OLR1: variants seen among roughly 807,000 people sequenced by gnomAD.
The protein encoded by OLR1 is oxidized low-density lipoprotein receptor 1.
Under a neutral mutation model 31.7 loss-of-function variants are expected in OLR1, and 23 were observed. The ratio of observed to expected loss-of-function variants is 0.72; its 90% CI spans 0.52 to 1.03. The LOEUF is 1.03. OLR1 is among the 50% of genes least tolerant of loss of function. The pLI is 0.00. For synonymous variants in OLR1, 117 were observed against 115.8 expected (o/e 1.01, Z -0.07); for missense variants, 286 against 315.7 (o/e 0.91, Z 0.71).
chr12:10,167,797 A>G (rs1948675415), intron 2 of OLR1: 1 of 151,610 alleles, frequency 6.6e-6, no homozygotes, highest in Admixed American at 6.6e-5. Context: ...GCCACGGTAC[A>G]TTTTAGGAAG....
chr12:10,174,150 T>C (rs751371119), upstream of OLR1, among the ~76,000 whole-genome samples: 60 of 152,252 alleles, frequency 3.9e-4, no homozygotes, highest in Middle Eastern at 3.4e-3. Context: ...AACCTCCGCC[T>C]CCTGGGTTCA....
chr12:10,160,583 C>T (rs1285719165), intron 4 of OLR1, 121 bp from the exon 5 acceptor site: 1 of 982,126 alleles, frequency 1.0e-6, no homozygotes, highest in Non-Finnish European at 1.6e-6. Flanking sequence ...ATCCCCTTGA[C>T]TGTTTTACGG....
chr12:10,165,830 G>T (rs1023815618), intron 3 of OLR1, among the ~76,000 whole-genome samples: 1 of 152,026 alleles, frequency 6.6e-6, no homozygotes, highest in African/African-American at 2.4e-5. Flanking sequence ...TTATAAAGAA[G>T]GAAAACTTAA....
In OLR1 at chr12:10,166,820, T is replaced by G; in HGVS notation, c.316A>C (p.Ile106Leu). The change falls in exon 3 of 6, where the codon ATA (isoleucine) becomes CTA (leucine). Residue 106 changes from isoleucine to leucine, a missense_variant. Physicochemically the swap from Ile to Leu is conservative, Grantham distance 5. Transcript: ENST00000309539. ...TTCAGCTTCCGAGCAAGGGTTTCTA[T>G]CATTTCCTTGAGTTCGTTTTCTGAC... ...QESENELKEM[I>L]ETLARKLNEK... The G allele has an allele frequency of 6.2e-7, 1 of 1,613,842 alleles. No individual in the cohort carries two copies. The highest frequency in any genetic ancestry group is 1.1e-5 in the South Asian group (1 of 91,072).
rs1209882661 is a variant in OLR1, at chr12:10,159,534, A to G, written c.*346T>C. ...TTCTCCATGTTCTGTCTTTCATGCA[A>G]TTTTAGGAGTGTGAGGGGAAGGTGA... On this transcript the variant is annotated 3_prime_UTR_variant, in exon 6 of 6. Coordinates refer to ENST00000309539, the MANE Select transcript of OLR1 (RefSeq NM_002543.4). The G allele has an allele frequency of 1.2e-5, 2 of 171,826 alleles. No individual in the cohort carries two copies. Among genetic ancestry groups the G allele is most frequent in the Admixed American group, 1.2e-4 (2 of 17,166 alleles). The allele number at this position is 171,826 out of a possible 1,614,324, so 10.6% of individuals were successfully genotyped here. A position where few individuals can be genotyped will look rare whatever the true frequency, so the allele number is the denominator to read the frequency against.
At chr12:10,160,581 G>A (rs188662020) in intron 4 of OLR1, 119 bp from the exon 5 acceptor site, 2 of 988,320 alleles carry the variant, frequency 2.0e-6, no homozygotes, top group Non-Finnish European at 3.1e-6. Flanking sequence ...ACATCCCCTT[G>A]ACTGTTTTAC....
At chr12:10,168,927 G>T in intron 2 of OLR1, 147 bp downstream of exon 2, 1 of 499,684 alleles carries the variant, frequency 2.0e-6, no homozygotes, top group Non-Finnish European at 3.5e-6. Context: ...TTATTTTCAT[G>T]GTCACTCTTA....
Position 10,160,535 on chromosome 12 carries a change from G to A in OLR1, c.565-73C>T, listed in dbSNP as rs3736234. The A allele has an allele frequency of 0.45, 552,088 of 1,238,012 alleles. 129,541 individuals are homozygous for A. The highest frequency in any genetic ancestry group is 0.52 in the Admixed American group (25,557 of 49,268). The allele number at this position is 1,238,012 out of a possible 1,614,324, so 76.7% of individuals were successfully genotyped here. ...TAGAATCTGAAAGTCAGTTAGTGTT[G>A]GATCCACAAAACTAAAGAACCAAAA... On this transcript the variant is annotated intron_variant, in intron 4 of 5. Coordinates refer to ENST00000309539, the MANE Select transcript of OLR1 (RefSeq NM_002543.4).
chr12:10,159,309 G>GTGTGTGTC lies in OLR1; in HGVS notation c.*570_*571insGACACACA, dbSNP rs1555086620. On this transcript the variant is annotated 3_prime_UTR_variant, in exon 6 of 6. Coordinates refer to ENST00000309539, the MANE Select transcript of OLR1 (RefSeq NM_002543.4). ...AAAATGTGTGTGTGTGTGTGTGTGTGTGTCTGTCTGTCTGTCTGTCCGTAA... is the reference window on the plus strand; with the variant it reads ...AAAATGTGTGTGTGTGTGTGTGTGTGTGTGTGTCTGTCTGTCTGTCTGTCTGTCCGTAA... 4.8e-5 allele frequency: 6 copies of GTGTGTGTC among 124,928 alleles called. No individual in the cohort carries two copies. Among genetic ancestry groups the GTGTGTGTC allele is most frequent in the Admixed American group, 1.9e-4 (2 of 10,772 alleles). 7.7% of individuals were successfully genotyped at this position (124,928 alleles called of 1,614,324 possible).
intron 3 of OLR1, among the ~76,000 whole-genome samples, chr12:10,161,754 T>C (rs1948621586): frequency 6.6e-6 from 1 of 151,946 alleles, no homozygotes; most frequent in African/African-American, 2.4e-5. Context: ...CAAAAGATTT[T>C]GAAAACTTAA....
rs1383711004 is a variant in OLR1 at position 10,160,446 on chromosome 12, G to A, written c.581C>T (p.Ala194Val). 6.2e-7 allele frequency: 1 copy of A among 1,613,018 alleles called. No homozygotes were observed. The highest frequency in any genetic ancestry group is 8.5e-7 in the Non-Finnish European group (1 of 1,179,490). The change falls in exon 5 of 6, where the codon GCA (alanine) becomes GTA (valine). Residue 194 changes from alanine (A) to valine (V), a missense_variant. Transcript: ENST00000309539. Reference sequence around the variant, plus strand: ...GAATGGAAAACTGGAATAGGAAATTGCTTGCTGGATGAAGTCCTGTGGGGA... The same window carrying A: ...GAATGGAAAACTGGAATAGGAAATTACTTGCTGGATGAAGTCCTGTGGGGA... ...STADLDFIQQ[A>V]ISYSSFPFWM... is the part of the protein sequence containing the mutation.
intron 3 of OLR1, among the ~76,000 whole-genome samples, chr12:10,163,550 A>G (rs1045839057): frequency 1.3e-5 from 2 of 150,754 alleles, no homozygotes; most frequent in Non-Finnish European, 2.9e-5. Flanking sequence ...TTAGTAAAAA[A>G]GATAAAACTT....
rs1474284777 is a variant in OLR1 at position 10,161,944 on chromosome 12, T to TATAA, written c.425-1020_425-1019insTTAT. 9.4e-5 allele frequency among the ~76,000 whole-genome samples: 5 copies of TATAA among 53,160 alleles called. No individual in the cohort carries two copies. In the Admixed American group the frequency reaches 1.0e-3, roughly 11 times the overall value. 34.9% of individuals were successfully genotyped at this position (53,160 alleles called of 152,430 possible). ...TTAATGATATATATATATATATATA[T>TATAA]AAAAAACACATACTATATTTCTTTT... On this transcript the variant is annotated intron_variant, in intron 3 of 5. Coordinates refer to ENST00000309539, the MANE Select transcript of OLR1 (RefSeq NM_002543.4).
At chr12:10,172,467 AT>A (rs1948731505), upstream of OLR1, 2 of 161,918 alleles carry the variant, frequency 1.2e-5, no homozygotes, top group Non-Finnish European at 2.7e-5. Flanking sequence ...GGGCCAAAAT[AT>A]TTGATTCCAA....
At chr12:10,167,032 A>G (rs892178380) in intron 2 of OLR1, 75 bp from the exon 3 acceptor site, 4 of 1,384,112 alleles carry the variant, frequency 2.9e-6, no homozygotes, top group Non-Finnish European at 4.0e-6. Flanking sequence ...GAGGAAATCA[A>G]AACAGAATTA....
At position 10,166,952 on chromosome 12, in the gene OLR1, G is replaced by A. The variant is rs1401595592; in HGVS notation, c.184C>T (p.Gln62Ter). The A allele has an allele frequency of 6.2e-7, 1 of 1,611,922 alleles. No homozygotes were observed. Among genetic ancestry groups the A allele is most frequent in the Admixed American group, 1.7e-5 (1 of 59,480 alleles). ...TCTTGTGTTAGGAGGTCAGACACCTGGGATACTGAATCACAGTTGCATTAA... is the reference window on the plus strand; with the variant it reads ...TCTTGTGTTAGGAGGTCAGACACCTAGGATACTGAATCACAGTTGCATTAA... ...TIMVLGMQLS[Q>*]VSDLLTQEQA... is the part of the protein sequence containing the mutation. The change falls in exon 3 of 6, where the codon CAG (glutamine) becomes TAG (stop). Residue 62 changes from glutamine (Q) to a stop codon, truncating the protein, a stop_gained. Transcript: ENST00000309539. LOFTEE classifies it high-confidence loss of function.
upstream of OLR1, chr12:10,175,459 C>G (rs574215986): frequency 6.6e-6 from 1 of 152,268 alleles, no homozygotes; most frequent in East Asian, 1.9e-4. Flanking sequence ...CTAAGTTGTG[C>G]CCACACTTCT....
At chr12:10,162,169 C>T (rs1444892949) in intron 3 of OLR1, among the ~76,000 whole-genome samples, 2 of 152,088 alleles carry the variant, frequency 1.3e-5, no homozygotes, top group African/African-American at 2.4e-5. Flanking sequence ...CAAATCATCA[C>T]TATCATCACC....
At chr12:10,173,230 TTA>T (rs1948737998), upstream of OLR1, among the ~76,000 whole-genome samples, 1 of 152,158 alleles carries the variant, frequency 6.6e-6, no homozygotes, top group African/African-American at 2.4e-5. Flanking sequence ...TATATATCTA[TTA>T]GAGATGTCTT....
Sources: allele counts gnomAD v4.1 joint callset (sites outside exome capture counted in the v4.1 genomes callset), GRCh38; gene constraint gnomAD v4.1.1; transcripts MANE v1.5; gene names NCBI Gene and HGNC (gene_info 2026-07-23, HGNC 2026-07-21).